ALDH1A1: variants seen among roughly 807,000 people sequenced by gnomAD.
ALDH1A1 encodes the protein aldehyde dehydrogenase 1A1.
ALDH1A1 carries 19 observed loss-of-function variants against 62.1 expected under a neutral mutation model. The observed-to-expected ratio is 0.31, with a 90% confidence interval of 0.21 to 0.45. The LOEUF is 0.45. Among genes scored for constraint, ALDH1A1 ranks in the 20% least tolerant of loss-of-function variants. The pLI, the probability that ALDH1A1 is intolerant of heterozygous loss-of-function variation, is 1.00. For missense variants in ALDH1A1, 521 were observed against 607.1 expected (o/e 0.86, Z 1.49); for synonymous variants, 231 against 215.9 (o/e 1.07, Z -0.61).
At chr9:72,904,206 A>G (rs562891570) in intron 12 of ALDH1A1, among the ~76,000 whole-genome samples, 11 of 152,224 alleles carry the variant, frequency 7.2e-5, no homozygotes, top group African/African-American at 2.2e-4. Context: ...TCAGCTGGTC[A>G]GACTCCAGTA....
At chr9:72,912,249 C>G (rs1361156844) in intron 9 of ALDH1A1, 127 bp from the exon 10 acceptor site, 2 of 705,070 alleles carry the variant, frequency 2.8e-6, no homozygotes, top group African/African-American at 1.8e-5. Context: ...TGAATCGAAA[C>G]AGCTAACAGA....
rs1232229983 is a variant in ALDH1A1 at position 72,928,890 on chromosome 9, A to G, written c.442+2T>C. On this transcript the variant is annotated splice_donor_variant, in intron 4 of 12. Coordinates refer to ENST00000297785, the MANE Select transcript of ALDH1A1 (RefSeq NM_000689.5). LOFTEE classifies it high-confidence loss of function. ...CATTAGTGGTTTCTCAAAGATACTT[A>G]CCAATTGGTATTGTACGGCCCTGGA... is the stretch of plus-strand genomic sequence containing the variant. The G allele has an allele frequency of 3.7e-6, 6 of 1,613,070 alleles. No individual in the cohort carries two copies. Among genetic ancestry groups the G allele is most frequent in the Non-Finnish European group, 5.1e-6 (6 of 1,179,648 alleles).
At chr9:72,940,802 A>G (rs1166759318) in intron 1 of ALDH1A1, among the ~76,000 whole-genome samples, 1 of 152,216 alleles carries the variant, frequency 6.6e-6, no homozygotes, top group Non-Finnish European at 1.5e-5. Context: ...CTCCTTTTCA[A>G]AAGATTACCT....
At chr9:72,946,856 T>C (rs1006185490) in intron 1 of ALDH1A1, among the ~76,000 whole-genome samples, 1 of 151,990 alleles carries the variant, frequency 6.6e-6, no homozygotes, top group African/African-American at 2.4e-5. Flanking sequence ...TATCATCCTA[T>C]AGATTATCCA....
intron 11 of ALDH1A1, among the ~76,000 whole-genome samples, chr9:72,906,909 A>C (rs985749031): frequency 6.6e-6 from 1 of 152,176 alleles, no homozygotes; most frequent in African/African-American, 2.4e-5. Context: ...AGACTGAGGC[A>C]GGAGGATCAC....
intron 12 of ALDH1A1, 71 bp from the exon 13 acceptor site, chr9:72,901,351 T>C: frequency 2.7e-6 from 3 of 1,098,506 alleles, no homozygotes; most frequent in South Asian, 1.4e-5. Context: ...AGTTCATGTT[T>C]GGTACGAGTT....
At chr9:72,945,764 A>T (rs926608218) in intron 1 of ALDH1A1, among the ~76,000 whole-genome samples, 11 of 152,004 alleles carry the variant, frequency 7.2e-5, no homozygotes, top group African/African-American at 2.7e-4. Context: ...CCTAACCCTG[A>T]GGCAGGAAAG....
chr9:72,934,104 T>C (rs1322051246), intron 2 of ALDH1A1, among the ~76,000 whole-genome samples: 1 of 152,162 alleles, frequency 6.6e-6, no homozygotes, highest in Non-Finnish European at 1.5e-5. Context: ...AATTTTTTTG[T>C]AGAGATGGGG....
chr9:72,908,585 AAGAAAGAAAGAAAGAAAGAAAGAAAG>A (rs1829928235), intron 11 of ALDH1A1, among the ~76,000 whole-genome samples: 4 of 135,326 alleles, frequency 3.0e-5, no homozygotes, highest in Admixed American at 7.2e-5. Context: ...GAAAGAAAGA[AAGAAAGAAAGAAAGAAAGAAAGAAAG>A]AAAGAAAGAA....
intron 4 of ALDH1A1, among the ~76,000 whole-genome samples, chr9:72,927,661 G>T (rs947312737): frequency 1.8e-4 from 27 of 152,134 alleles, no homozygotes; most frequent in African/African-American, 6.5e-4. Flanking sequence ...ACCAATAAGA[G>T]AATTCTTTTT....
intron 2 of ALDH1A1, among the ~76,000 whole-genome samples, chr9:72,939,886 C>T (rs1357949525): frequency 1.3e-5 from 2 of 151,662 alleles, no homozygotes; most frequent in Non-Finnish European, 2.9e-5. Flanking sequence ...AATCTATATA[C>T]TATTTCAATT....
chr9:72,904,689 C>G (rs1364229730), intron 12 of ALDH1A1, among the ~76,000 whole-genome samples: 1 of 152,150 alleles, frequency 6.6e-6, no homozygotes, highest in Non-Finnish European at 1.5e-5. Context: ...TTGGCCTTGT[C>G]TGACAGATGA....
chr9:72,935,753 C>T (rs922564606), intron 2 of ALDH1A1, among the ~76,000 whole-genome samples: 8 of 152,154 alleles, frequency 5.3e-5, no homozygotes, highest in South Asian at 2.1e-4. Flanking sequence ...CGTTGAAAGG[C>T]GGTATGTAGC....
At chr9:72,948,214 A>G (rs1016339497) in intron 1 of ALDH1A1, among the ~76,000 whole-genome samples, 30 of 151,966 alleles carry the variant, frequency 2.0e-4, no homozygotes, top group African/African-American at 6.8e-4. Flanking sequence ...GCAGCCAGTC[A>G]GCTATTTTTT....
intron 7 of ALDH1A1, among the ~76,000 whole-genome samples, chr9:72,921,231 G>A (rs1257915977): frequency 9.4e-5 from 13 of 138,656 alleles, no homozygotes; most frequent in African/African-American, 3.5e-4. Flanking sequence ...GACAGTGCAC[G>A]ACTCCTCTCA....
chr9:72,918,661 C>G, intron 8 of ALDH1A1, 59 bp downstream of exon 8: 1 of 308,496 alleles, frequency 3.2e-6, no homozygotes, highest in Non-Finnish European at 5.5e-6. Flanking sequence ...TCACTTTTGG[C>G]ATTATCAGAC....
chr9:72,937,643 T>C (rs1320654886), intron 2 of ALDH1A1, among the ~76,000 whole-genome samples: 1 of 152,184 alleles, frequency 6.6e-6, no homozygotes, highest in African/African-American at 2.4e-5. Flanking sequence ...TGTGGACATG[T>C]ACAGAGGCAG....
chr9:72,941,986 A>G (rs1288405957), intron 1 of ALDH1A1, among the ~76,000 whole-genome samples: 2 of 152,182 alleles, frequency 1.3e-5, no homozygotes, highest in Non-Finnish European at 2.9e-5. Context: ...GGAAATGAGA[A>G]AGATGGAAGA....
At chr9:72,902,349 A>G (rs1829816248) in intron 12 of ALDH1A1, among the ~76,000 whole-genome samples, 1 of 152,078 alleles carries the variant, frequency 6.6e-6, no homozygotes, top group Admixed American at 6.6e-5. Flanking sequence ...TTACAGAAGA[A>G]TAAGATCTTG....
Sources: gnomAD v4.1 joint callset for allele counts (sites outside exome capture counted in the v4.1 genomes callset) on GRCh38, gnomAD v4.1.1 for gene constraint, MANE v1.5 for transcripts, NCBI Gene and HGNC (gene_info 2026-07-23, HGNC 2026-07-21) for gene names.